The following CTNNA2 variants were observed in gnomAD, a reference collection of about 807,000 sequenced individuals.
CTNNA2 encodes catenin alpha 2, also known as catenin alpha-2.
In CTNNA2, 42 loss-of-function variants were observed where a neutral mutation model predicts 101.0. The observed-to-expected ratio is 0.42, with a 90% CI of 0.32 to 0.54. CTNNA2 has a LOEUF of 0.54. Ranked by LOEUF, CTNNA2 falls within the 20% of genes least tolerant of loss-of-function variation. The pLI is 0.14. For missense variants in CTNNA2, 871 were observed against 1,223.1 expected (o/e 0.71, Z 4.29); for synonymous variants, 450 against 456.4 (o/e 0.99, Z 0.18).
chr2:79,394,906 A>G (rs1357756988), intron 4 of CTNNA2, among the ~76,000 whole-genome samples: 2 of 152,166 alleles, frequency 1.3e-5, no homozygotes, highest in African/African-American at 2.4e-5. Context: ...AAGAGGTTAC[A>G]TTGACTACTG....
At chr2:80,409,297 A>AT (rs1573970839) in intron 8 of CTNNA2, among the ~76,000 whole-genome samples, 1 of 152,192 alleles carries the variant, frequency 6.6e-6, no homozygotes, top group African/African-American at 2.4e-5. Context: ...TCTTTAAGTA[A>AT]TAAAAAAAAA....
intron 7 of CTNNA2, among the ~76,000 whole-genome samples, chr2:80,376,376 C>G (rs1418923427): frequency 6.6e-6 from 1 of 151,186 alleles, no homozygotes; most frequent in African/African-American, 2.4e-5. Context: ...CATTAAGAAA[C>G]TTTTGCCAGC....
At chr2:79,665,607 C>T (rs780374069) in intron 2 of CTNNA2, among the ~76,000 whole-genome samples, 1 of 152,066 alleles carries the variant, frequency 6.6e-6, no homozygotes, top group Non-Finnish European at 1.5e-5. Flanking sequence ...AGTTCTGGAG[C>T]AATAGAAAAT....
chr2:79,398,458 G>T (rs1231273724), intron 4 of CTNNA2, among the ~76,000 whole-genome samples: 2 of 152,034 alleles, frequency 1.3e-5, no homozygotes, highest in Non-Finnish European at 2.9e-5. Context: ...TTTTTATTCA[G>T]TAGGTCTGGG....
intron 1 of CTNNA2, among the ~76,000 whole-genome samples, chr2:79,515,460 C>G (rs1362536089): frequency 6.6e-6 from 1 of 152,184 alleles, no homozygotes; most frequent in African/African-American, 2.4e-5. Context: ...ATGGGCTTTG[C>G]TCTTTCTTTG....
chr2:79,796,593 A>T (rs1192444440), intron 3 of CTNNA2, among the ~76,000 whole-genome samples: 1 of 152,176 alleles, frequency 6.6e-6, no homozygotes, highest in Non-Finnish European at 1.5e-5. Context: ...GGCAGGCAGC[A>T]TCCAACGGGC....
intron 7 of CTNNA2, among the ~76,000 whole-genome samples, chr2:80,007,147 AG>A (rs1426357808): frequency 6.6e-6 from 1 of 152,162 alleles, no homozygotes; most frequent in Non-Finnish European, 1.5e-5. Context: ...CTTGTTATTT[AG>A]CTCTCTAAGC....
At chr2:80,217,156 C>A (rs1175951010) in intron 7 of CTNNA2, among the ~76,000 whole-genome samples, 1 of 151,982 alleles carries the variant, frequency 6.6e-6, no homozygotes, top group Admixed American at 6.6e-5. Context: ...AGAGGCCCCA[C>A]AAAATGATAA....
intron 2 of CTNNA2, among the ~76,000 whole-genome samples, chr2:79,729,790 T>A (rs1006545726): frequency 6.6e-6 from 1 of 152,070 alleles, no homozygotes; most frequent in African/African-American, 2.4e-5. Flanking sequence ...ATTCTATCCA[T>A]GAAGATGACC....
chr2:80,217,436 A>T (rs1298445729), intron 7 of CTNNA2, among the ~76,000 whole-genome samples: 2 of 152,068 alleles, frequency 1.3e-5, no homozygotes, highest in African/African-American at 2.4e-5. Context: ...TCAAAGCCTC[A>T]GTTTTGTTAC....
intron 2 of CTNNA2, among the ~76,000 whole-genome samples, chr2:79,732,671 C>T (rs1208301371): frequency 6.6e-6 from 1 of 152,014 alleles, no homozygotes; most frequent in Non-Finnish European, 1.5e-5. Context: ...TATTTGTTAA[C>T]TGTATACGAT....
intron 7 of CTNNA2, among the ~76,000 whole-genome samples, chr2:80,294,275 A>G (rs1267502944): frequency 2.0e-5 from 3 of 152,214 alleles, no homozygotes; most frequent in African/African-American, 7.2e-5. Context: ...GTAAAAACAA[A>G]TATAAGAATA....
chr2:80,350,343 A>G (rs902958525), intron 7 of CTNNA2, among the ~76,000 whole-genome samples: 3 of 152,170 alleles, frequency 2.0e-5, no homozygotes, highest in Admixed American at 6.5e-5. Context: ...CTTATTCTCT[A>G]TGTTAAATCT....
At chr2:79,956,131 C>T (rs1689208085) in intron 7 of CTNNA2, among the ~76,000 whole-genome samples, 2 of 152,058 alleles carry the variant, frequency 1.3e-5, no homozygotes, top group Admixed American at 1.3e-4. Flanking sequence ...AATAAGTAGC[C>T]AGAGAGAGGT....
At chr2:80,061,726 G>A (rs115158418) in intron 7 of CTNNA2, among the ~76,000 whole-genome samples, 67 of 152,090 alleles carry the variant, frequency 4.4e-4, no homozygotes, top group Non-Finnish European at 6.8e-4. Context: ...TAAATTTGTC[G>A]CTTATAATAC....
intron 4 of CTNNA2, among the ~76,000 whole-genome samples, chr2:79,391,100 C>T (rs11690487): frequency 0.097 from 14,816 of 152,138 alleles, 967 homozygotes; most frequent in Non-Finnish European, 0.13. Context: ...TGCCTTCCTC[C>T]GGATTCTGCA....
chr2:79,941,915 A>G (rs1279658770), intron 7 of CTNNA2, among the ~76,000 whole-genome samples: 1 of 152,192 alleles, frequency 6.6e-6, no homozygotes, highest in Non-Finnish European at 1.5e-5. Context: ...CACTGCGCCC[A>G]GCTCAGAAAA....
intron 1 of CTNNA2, among the ~76,000 whole-genome samples, chr2:79,629,388 A>G (rs1342963355): frequency 6.6e-6 from 1 of 152,176 alleles, no homozygotes; most frequent in Admixed American, 6.5e-5. Flanking sequence ...TTGGCCACAT[A>G]TTGGCCATCT....
At chr2:79,607,496 T>C (rs971426216) in intron 1 of CTNNA2, among the ~76,000 whole-genome samples, 1 of 152,084 alleles carries the variant, frequency 6.6e-6, no homozygotes, top group East Asian at 1.9e-4. Context: ...ATAGACCATA[T>C]TGTAGTAAAT....
Sources: allele counts gnomAD v4.1 joint callset (sites outside exome capture counted in the v4.1 genomes callset), GRCh38; gene constraint gnomAD v4.1.1; transcripts MANE v1.5; gene names NCBI Gene and HGNC (gene_info 2026-07-23, HGNC 2026-07-21).